Variants in GPR39 observed in about 807,000 individuals in gnomAD.
GPR39 encodes the protein zinc sensing receptor.
GPR39 carries 23 observed loss-of-function variants against 18.4 expected under a neutral mutation model. The ratio of observed to expected loss-of-function variants is 1.25; its 90% CI spans 0.90 to 1.77. The LOEUF is 1.77. Among genes scored for constraint, GPR39 ranks in the 40% most tolerant of loss-of-function variants. GPR39 has a pLI of 0.00. For missense variants in GPR39, 647 were observed against 602.4 expected (o/e 1.07, Z -0.78); for synonymous variants, 280 against 257.9 (o/e 1.09, Z -0.82).
At chr2:132,582,342 A>T (rs1473861870) in intron 1 of GPR39, among the ~76,000 whole-genome samples, 1 of 152,256 alleles carries the variant, frequency 6.6e-6, no homozygotes, top group African/African-American at 2.4e-5. Context: ...GTTTCAATTC[A>T]TGATTACATG....
rs1680912573 is a variant in GPR39, at chr2:132,465,521, T to TG, written c.856+47627dup. 1.3e-5 allele frequency among the ~76,000 whole-genome samples: 2 copies of TG among 152,224 alleles called. 1 individual carries two copies. The highest frequency in any genetic ancestry group is 1.3e-4 in the Admixed American group (2 of 15,278). ...AGTAATCACAGCCATTACTGTTTCC[T>TG]GGGGAGTCCCTGGATGGCAAAGAGC... On this transcript the variant is annotated intron_variant, in intron 1 of 1. Coordinates refer to ENST00000329321, the MANE Select transcript of GPR39 (RefSeq NM_001508.3).
At chr2:132,641,676 TC>T (rs1208699443) in intron 1 of GPR39, among the ~76,000 whole-genome samples, 1 of 152,208 alleles carries the variant, frequency 6.6e-6, no homozygotes, top group East Asian at 1.9e-4. Flanking sequence ...TGGGAGTGTA[TC>T]GGATTAAACA....
At chr2:132,532,399 C>T (rs1053384149) in intron 1 of GPR39, among the ~76,000 whole-genome samples, 21 of 152,098 alleles carry the variant, frequency 1.4e-4, no homozygotes, top group African/African-American at 3.1e-4. Context: ...GATTCACAGC[C>T]GAATTCTACC....
chr2:132,493,509 T>TATATATATATATATACACC (rs1681564156), intron 1 of GPR39, among the ~76,000 whole-genome samples: 8 of 54,928 alleles, frequency 1.5e-4, no homozygotes, highest in Non-Finnish European at 2.5e-4. Flanking sequence ...ATACACCATA[T>TATATATATATATATACACC]ATATATATAT....
intron 1 of GPR39, among the ~76,000 whole-genome samples, chr2:132,476,713 A>C (rs2104786870): frequency 6.6e-6 from 1 of 151,900 alleles, no homozygotes; most frequent in African/African-American, 2.4e-5. Context: ...TGGCGGGAAA[A>C]GGAAGTGAGG....
chr2:132,492,702 AATATATATACACACCATATATATACC>A (rs1681510607), intron 1 of GPR39, among the ~76,000 whole-genome samples: 3 of 140,016 alleles, frequency 2.1e-5, no homozygotes, highest in East Asian at 2.2e-4. Context: ...ATATATATAT[AATATATATACACACCATATATATACC>A]ATATATATAT....
intron 1 of GPR39, among the ~76,000 whole-genome samples, chr2:132,599,200 T>A (rs1162868553): frequency 6.6e-6 from 1 of 152,212 alleles, no homozygotes; most frequent in African/African-American, 2.4e-5. Context: ...TTAACAACTT[T>A]CCAGCGGGAG....
chr2:132,641,984 G>A (rs576105561), intron 1 of GPR39, among the ~76,000 whole-genome samples: 20 of 152,292 alleles, frequency 1.3e-4, no homozygotes, highest in African/African-American at 4.8e-4. Flanking sequence ...CTTTCTCTGA[G>A]CCTGCACTTC....
chr2:132,587,449 T>G (rs945725268), intron 1 of GPR39, among the ~76,000 whole-genome samples: 4 of 152,244 alleles, frequency 2.6e-5, no homozygotes, highest in African/African-American at 4.8e-5. Context: ...AAGTGTATAT[T>G]TGTTGTTACT....
chr2:132,459,892 A>T (rs536046184), intron 1 of GPR39, among the ~76,000 whole-genome samples: 1 of 152,196 alleles, frequency 6.6e-6, no homozygotes, highest in South Asian at 2.1e-4. Context: ...TCCTTCCAAA[A>T]CGATACCTGC....
At chr2:132,591,705 T>C (rs574339314) in intron 1 of GPR39, among the ~76,000 whole-genome samples, 1 of 152,328 alleles carries the variant, frequency 6.6e-6, no homozygotes, top group African/African-American at 2.4e-5. Context: ...GAAACACATC[T>C]ATTATGCAGA....
chr2:132,612,056 C>T (rs1045746830), intron 1 of GPR39, among the ~76,000 whole-genome samples: 2 of 150,922 alleles, frequency 1.3e-5, no homozygotes, highest in Non-Finnish European at 3.0e-5. Context: ...ATGTCTCTCT[C>T]CATCCATCCA....
At chr2:132,525,662 C>G (rs1483076133) in intron 1 of GPR39, among the ~76,000 whole-genome samples, 1 of 152,214 alleles carries the variant, frequency 6.6e-6, no homozygotes, top group East Asian at 1.9e-4. Flanking sequence ...ATGGGACTTC[C>G]CTTTGGCCGT....
intron 1 of GPR39, among the ~76,000 whole-genome samples, chr2:132,583,164 C>T (rs1397208032): frequency 6.6e-6 from 1 of 152,092 alleles, no homozygotes; most frequent in African/African-American, 2.4e-5. Context: ...CCTCCTTCCT[C>T]AGCCTTCCAA....
chr2:132,568,284 T>C (rs1680385355), intron 1 of GPR39, among the ~76,000 whole-genome samples: 1 of 152,088 alleles, frequency 6.6e-6, no homozygotes, highest in Non-Finnish European at 1.5e-5. Context: ...TTCTTTCCTT[T>C]TCATGGTCTT....
intron 1 of GPR39, among the ~76,000 whole-genome samples, chr2:132,493,105 A>G (rs993368991): frequency 6.9e-6 from 1 of 145,058 alleles, no homozygotes; most frequent in Non-Finnish European, 1.5e-5. Flanking sequence ...CACCATATAT[A>G]TACCATATAT....
chr2:132,627,286 C>T (rs754785804), intron 1 of GPR39, among the ~76,000 whole-genome samples: 70 of 152,234 alleles, frequency 4.6e-4, no homozygotes, highest in Admixed American at 8.5e-4. Context: ...CCCAGAACAT[C>T]GGGTACTCTT....
At chr2:132,442,284 G>T (rs1251985136) in intron 1 of GPR39, among the ~76,000 whole-genome samples, 2 of 152,170 alleles carry the variant, frequency 1.3e-5, no homozygotes, top group African/African-American at 4.8e-5. Context: ...AGAAGCATGA[G>T]GTCGTTGCAA....
chr2:132,420,528 T>C (rs1428566058), intron 1 of GPR39, among the ~76,000 whole-genome samples: 1 of 152,236 alleles, frequency 6.6e-6, no homozygotes, highest in African/African-American at 2.4e-5. Context: ...TTTAGTTGTC[T>C]TTTTAGTATT....
Sources: gnomAD v4.1 joint callset for allele counts (sites outside exome capture counted in the v4.1 genomes callset) on GRCh38, gnomAD v4.1.1 for gene constraint, MANE v1.5 for transcripts, NCBI Gene and HGNC (gene_info 2026-07-23, HGNC 2026-07-21) for gene names.